Variants in CLNK observed in about 807,000 individuals in gnomAD.
The protein encoded by CLNK is cytokine dependent hematopoietic cell linker.
CLNK carries 74 observed loss-of-function variants against 68.6 expected under a neutral mutation model. The ratio of observed to expected loss-of-function variants is 1.08; its 90% CI spans 0.89 to 1.31. The LOEUF is 1.31. CLNK is among the 50% of genes most tolerant of loss of function. CLNK has a pLI of 0.00. For missense variants in CLNK, 553 were observed against 515.3 expected (o/e 1.07, Z -0.71); for synonymous variants, 198 against 172.2 (o/e 1.15, Z -1.17).
At chr4:10,547,965 C>T (rs1719301901) in intron 8 of CLNK, among the ~76,000 whole-genome samples, 1 of 152,076 alleles carries the variant, frequency 6.6e-6, no homozygotes, top group South Asian at 2.1e-4. Flanking sequence ...GCTGAGAGCT[C>T]TTCAAGATCC....
chr4:10,728,785 C>T, the CLNK span, among the ~76,000 whole-genome samples: 4 of 151,652 alleles, frequency 2.6e-5, no homozygotes, highest in Admixed American at 6.6e-5. Flanking sequence ...TTAGTAGAGA[C>T]GGGGTTTCGC....
chr4:10,688,419 C>T (rs12510590), upstream of CLNK, among the ~76,000 whole-genome samples: 64,226 of 151,866 alleles, frequency 0.42, 13,952 homozygotes, highest in Non-Finnish European at 0.47. Context: ...AAGAGAACTT[C>T]TAAGGTCAAT....
At chr4:10,660,486 T>A (rs1220851354) in intron 2 of CLNK, among the ~76,000 whole-genome samples, 1 of 152,254 alleles carries the variant, frequency 6.6e-6, no homozygotes, top group Non-Finnish European at 1.5e-5. Flanking sequence ...ATGTATATAT[T>A]TTTGTATCTT....
At chr4:10,518,497 T>C (rs1048106944) in intron 15 of CLNK, among the ~76,000 whole-genome samples, 3 of 152,192 alleles carry the variant, frequency 2.0e-5, no homozygotes, top group Non-Finnish European at 2.9e-5. Flanking sequence ...AAAGAAAGCA[T>C]TGGTGAACAA....
Position 10,507,712 on chromosome 4 carries a change from C to T in CLNK, c.984+247G>A, listed in dbSNP as rs544487917. ...GTTCAGGCTGGTCTCAAACTCCTCA[C>T]CTCAAATGAGCCACCTACCTCGGCC... On this transcript the variant is annotated intron_variant, in intron 17 of 18. Coordinates refer to ENST00000226951, the MANE Select transcript of CLNK (RefSeq NM_052964.4). Among the ~76,000 whole-genome samples, 7 of 152,092 alleles carry T rather than the reference C, an allele frequency of 4.6e-5. No individual in the cohort carries two copies. The South Asian group carries it at 1.0e-3, about 23-fold the overall frequency.
chr4:10,616,231 G>A (rs1298619299), intron 2 of CLNK, among the ~76,000 whole-genome samples: 2 of 152,136 alleles, frequency 1.3e-5, no homozygotes, highest in Non-Finnish European at 2.9e-5. Flanking sequence ...AGTAATATTT[G>A]CAGCTGGACG....
At chr4:10,553,472 T>A (rs1320465660) in intron 8 of CLNK, among the ~76,000 whole-genome samples, 6 of 151,776 alleles carry the variant, frequency 4.0e-5, no homozygotes, top group African/African-American at 1.5e-4. Flanking sequence ...TTTTTTCTGA[T>A]ACAGAGTCTT....
chr4:10,677,836 G>GCAATAATAATAATAA (rs1724935053), intron 1 of CLNK, among the ~76,000 whole-genome samples: 1 of 91,858 alleles, frequency 1.1e-5, no homozygotes, highest in South Asian at 3.4e-4. Flanking sequence ...AATAAAAATA[G>GCAATAATAATAATAA]CAATAATAAT....
chr4:10,647,217 A>G (rs182252691), intron 2 of CLNK, among the ~76,000 whole-genome samples: 2 of 152,328 alleles, frequency 1.3e-5, no homozygotes, highest in East Asian at 3.9e-4. Flanking sequence ...ATGTATCAAG[A>G]GATCATTCAT....
At chr4:10,625,119 G>C (rs1722616316) in intron 2 of CLNK, among the ~76,000 whole-genome samples, 1 of 152,200 alleles carries the variant, frequency 6.6e-6, no homozygotes, top group African/African-American at 2.4e-5. Flanking sequence ...CATTAGCTCA[G>C]AGATGCCTTT....
chr4:10,580,025 G>A (rs1330637222), intron 4 of CLNK, among the ~76,000 whole-genome samples: 7 of 152,130 alleles, frequency 4.6e-5, no homozygotes, highest in Admixed American at 4.6e-4. Context: ...TCTGTATGGG[G>A]GAGCTGTTTT....
At chr4:10,559,613 A>G (rs1397290421) in intron 7 of CLNK, among the ~76,000 whole-genome samples, 1 of 151,982 alleles carries the variant, frequency 6.6e-6, no homozygotes, top group African/African-American at 2.4e-5. Flanking sequence ...AGAGGTTCCC[A>G]TTGTCTCCGT....
Position 10,580,727 on chromosome 4 carries a change from G to T in CLNK, c.112+4200C>A, listed in dbSNP as rs78072477. On this transcript the variant is annotated intron_variant, in intron 4 of 18. Coordinates refer to ENST00000226951, the MANE Select transcript of CLNK (RefSeq NM_052964.4). The stretch of plus-strand genomic sequence containing the variant: ...AGGAAGGGAAATATTTTTGTAAAAT[G>T]GTACAATGCGTTTGTGCTTAAGATA... Among the ~76,000 whole-genome samples, 69 of 152,176 alleles carry T rather than the reference G, an allele frequency of 4.5e-4. 1 individual carries two copies. The East Asian group carries it at 0.01, about 22-fold the overall frequency.
intron 3 of CLNK, among the ~76,000 whole-genome samples, chr4:10,592,268 A>G (rs1721206401): frequency 6.6e-6 from 1 of 152,304 alleles, no homozygotes; most frequent in East Asian, 1.9e-4. Context: ...TCCTGTTCCT[A>G]TAAGCTATCA....
At chr4:10,521,392 T>C (rs978303371) in intron 14 of CLNK, among the ~76,000 whole-genome samples, 5 of 152,130 alleles carry the variant, frequency 3.3e-5, no homozygotes, top group Admixed American at 6.6e-5. Flanking sequence ...TTATCAAGAC[T>C]GTTCATCAGT....
intron 16 of CLNK, among the ~76,000 whole-genome samples, chr4:10,508,330 C>A (rs1327954504): frequency 1.3e-5 from 2 of 152,134 alleles, no homozygotes; most frequent in African/African-American, 2.4e-5. Flanking sequence ...TCTATCAGTG[C>A]TTTCTGAATC....
the CLNK span, among the ~76,000 whole-genome samples, chr4:10,728,285 G>A: frequency 6.6e-6 from 1 of 152,030 alleles, no homozygotes; most frequent in Non-Finnish European, 1.5e-5. Context: ...TTTGCCAAAC[G>A]TTTTTAGAAG....
At chr4:10,574,054 T>C (rs1337363955) in intron 4 of CLNK, among the ~76,000 whole-genome samples, 1 of 152,218 alleles carries the variant, frequency 6.6e-6, no homozygotes, top group Non-Finnish European at 1.5e-5. Flanking sequence ...GTGTGTTCTT[T>C]AGGGAAGGAA....
Position 10,542,349 on chromosome 4 carries a change from T to C in CLNK, c.446-69A>G. 26 of 987,516 alleles carry C rather than the reference T, an allele frequency of 2.6e-5. 1 individual carries two copies. In the South Asian group the frequency reaches 3.8e-4, roughly 14 times the overall value. The allele number at this position is 987,516 out of a possible 1,614,324, so 61.2% of individuals were successfully genotyped here. A position where few individuals can be genotyped will look rare whatever the true frequency, so the allele number is the denominator to read the frequency against. Reference sequence around the variant, plus strand: ...ATCAAGCATTGATTTTATACACGCTTACATGAAAATCATTTTTATTTGTAA... The same window carrying C: ...ATCAAGCATTGATTTTATACACGCTCACATGAAAATCATTTTTATTTGTAA... On this transcript the variant is annotated intron_variant, in intron 8 of 18. Coordinates refer to ENST00000226951, the MANE Select transcript of CLNK (RefSeq NM_052964.4).
Sources: allele counts gnomAD v4.1 joint callset (sites outside exome capture counted in the v4.1 genomes callset), GRCh38; gene constraint gnomAD v4.1.1; transcripts MANE v1.5; gene names NCBI Gene and HGNC (gene_info 2026-07-23, HGNC 2026-07-21).